Variants in RYR3 observed in about 807,000 individuals in gnomAD.
The protein encoded by RYR3 is brain ryanodine receptor-calcium release channel.
A neutral mutation model predicts 584.3 loss-of-function variants in RYR3; 207 were observed. The observed-to-expected ratio is 0.35, with a 90% CI of 0.32 to 0.40. The LOEUF is 0.40. Among genes scored for constraint, RYR3 ranks in the 10% least tolerant of loss-of-function variants. The probability of loss-of-function intolerance (pLI) is 1.00; values close to 1 mark genes in which losing one functional copy is unlikely to be tolerated. For synonymous variants in RYR3, 2,416 were observed against 2,248.5 expected (o/e 1.07, Z -2.11); for missense variants, 5,616 against 6,089.2 (o/e 0.92, Z 2.59).
At chr15:33,760,019 T>C (rs955390052) in intron 60 of RYR3, among the ~76,000 whole-genome samples, 1 of 152,180 alleles carries the variant, frequency 6.6e-6, no homozygotes, top group African/African-American at 2.4e-5. Context: ...ACCCAGAATT[T>C]CATATCCAGC....
intron 69 of RYR3, among the ~76,000 whole-genome samples, chr15:33,806,560 T>C (rs2076222310): frequency 6.6e-6 from 1 of 151,890 alleles, no homozygotes; most frequent in Non-Finnish European, 1.5e-5. Context: ...AAGCATTTCA[T>C]TAGAAAATTG....
intron 30 of RYR3, 129 bp from the exon 31 acceptor site, chr15:33,648,943 G>C (rs2291735): frequency 1.3e-6 from 1 of 768,414 alleles, no homozygotes; most frequent in Non-Finnish European, 2.1e-6. Context: ...ACCTCTACTA[G>C]TGTGCACTTT....
chr15:33,379,687 C>CTCTCTCTCTA, intron 1 of RYR3, among the ~76,000 whole-genome samples: 33 of 125,520 alleles, frequency 2.6e-4, no homozygotes, highest in East Asian at 1.3e-3. Flanking sequence ...CTCTCTCTCT[C>CTCTCTCTCTA]TATATATATA....
At chr15:33,385,535 AAAAC>A (rs943738514) in intron 1 of RYR3, among the ~76,000 whole-genome samples, 1 of 152,090 alleles carries the variant, frequency 6.6e-6, no homozygotes, top group Non-Finnish European at 1.5e-5. Flanking sequence ...TCCTACGTTA[AAAAC>A]AAACAAACAA....
At chr15:33,622,308 A>G (rs1035400435) in intron 19 of RYR3, among the ~76,000 whole-genome samples, 1 of 152,000 alleles carries the variant, frequency 6.6e-6, no homozygotes, top group African/African-American at 2.4e-5. Flanking sequence ...TGATCCACCC[A>G]AGGTCTTCTC....
chr15:33,838,661 A>G lies in RYR3; in HGVS notation c.12681A>G (p.Arg4227=). The change falls in exon 89 of 104, where the codon AGA becomes AGG. Residue 4227 remains arginine, a synonymous_variant. Transcript: ENST00000634891. Reference sequence around the variant, plus strand: ...TGGTAGAAGGGGCAAAGAACATCAGAGTGACCAAGATCCTGGGTGACATGC... The same window carrying G: ...TGGTAGAAGGGGCAAAGAACATCAGGGTGACCAAGATCCTGGGTGACATGC... ...GGLVEGAKNI[R]VTKILGDMPD... is the part of the protein sequence containing the mutation. 1.9e-6 allele frequency: 3 copies of G among 1,613,970 alleles called. No homozygotes were observed. The highest frequency in any genetic ancestry group is 2.5e-6 in the Non-Finnish European group (3 of 1,179,866).
intron 49 of RYR3, among the ~76,000 whole-genome samples, chr15:33,737,102 T>C (rs939296969): frequency 1.3e-5 from 2 of 152,088 alleles, no homozygotes; most frequent in African/African-American, 2.4e-5. Context: ...TCTTTTATTA[T>C]TATTTTTTTG....
At chr15:33,387,956 TA>T (rs77242922) in intron 1 of RYR3, among the ~76,000 whole-genome samples, 11,353 of 151,836 alleles carry the variant, frequency 0.075, 586 homozygotes, top group Middle Eastern at 0.15. Flanking sequence ...GAGGAAATTA[TA>T]AAAAAAATTT....
intron 38 of RYR3, among the ~76,000 whole-genome samples, chr15:33,688,950 C>T (rs2065211880): frequency 6.6e-6 from 1 of 151,956 alleles, no homozygotes; most frequent in African/African-American, 2.4e-5. Context: ...GCACTATTCA[C>T]AATAGCAAAG....
At chr15:33,754,173 T>C (rs939507485) in intron 57 of RYR3, among the ~76,000 whole-genome samples, 7 of 152,024 alleles carry the variant, frequency 4.6e-5, no homozygotes, top group Non-Finnish European at 8.8e-5. Flanking sequence ...ATTTGACCAC[T>C]TCTCACCCAC....
chr15:33,711,645 G>T lies in RYR3; in HGVS notation c.6619+4591G>T, dbSNP rs556720399. Among the ~76,000 whole-genome samples the T allele has an allele frequency of 3.9e-5, 6 of 152,286 alleles. No individual in the cohort carries two copies. In the East Asian group the frequency reaches 1.2e-3, roughly 29 times the overall value. On this transcript the variant is annotated intron_variant, in intron 43 of 103. Coordinates refer to ENST00000634891, the MANE Select transcript of RYR3 (RefSeq NM_001036.6). The stretch of plus-strand genomic sequence containing the variant: ...AAACTTCCATCGATCCCTAAGGCAC[G>T]AACAGAATGCAGCCAAGTTCTTTAC...
chr15:33,626,893 C>A (rs1200477368), intron 20 of RYR3, among the ~76,000 whole-genome samples: 1 of 152,062 alleles, frequency 6.6e-6, no homozygotes, highest in East Asian at 1.9e-4. Context: ...CCTGGATGTC[C>A]AAGCAGAAGT....
At chr15:33,399,459 T>C (rs2141355431) in intron 1 of RYR3, among the ~76,000 whole-genome samples, 1 of 151,790 alleles carries the variant, frequency 6.6e-6, no homozygotes, top group East Asian at 1.9e-4. Flanking sequence ...GCCAATGTGG[T>C]GAAAACCTGT....
At chr15:33,438,423 TGTGCCTG>T (rs751977923) in intron 1 of RYR3, among the ~76,000 whole-genome samples, 1 of 152,194 alleles carries the variant, frequency 6.6e-6, no homozygotes, top group Non-Finnish European at 1.5e-5. Context: ...TTTGTCTTGA[TGTGCCTG>T]GTGCCTGGCC....
intron 12 of RYR3, among the ~76,000 whole-genome samples, chr15:33,575,588 C>T (rs2058258822): frequency 6.6e-6 from 1 of 151,972 alleles, no homozygotes; most frequent in African/African-American, 2.4e-5. Flanking sequence ...GACAATGTAC[C>T]AGAATCTCTG....
chr15:33,664,587 G>A (rs375501771), intron 36 of RYR3, among the ~76,000 whole-genome samples: 7 of 42,624 alleles, frequency 1.6e-4, no homozygotes, highest in East Asian at 7.8e-4. Flanking sequence ...GTGTGTGTGT[G>A]TGTATATATA....
intron 89 of RYR3, among the ~76,000 whole-genome samples, chr15:33,839,399 T>C (rs971200162): frequency 2.0e-4 from 30 of 152,230 alleles, no homozygotes; most frequent in Non-Finnish European, 7.3e-5. Context: ...AGTTTGATCA[T>C]GCTTGGGACA....
chr15:33,782,468 A>C (rs999426838), intron 65 of RYR3, among the ~76,000 whole-genome samples: 3 of 152,216 alleles, frequency 2.0e-5, no homozygotes, highest in Non-Finnish European at 4.4e-5. Flanking sequence ...ATGGGACTCT[A>C]TGTCCAGCTC....
chr15:33,465,426 T>C (rs2048402971), intron 1 of RYR3, among the ~76,000 whole-genome samples: 1 of 152,220 alleles, frequency 6.6e-6, no homozygotes, highest in Non-Finnish European at 1.5e-5. Context: ...GTTTTCAGTG[T>C]ACATCTAGCA....
Sources: gnomAD v4.1 joint callset for allele counts (sites outside exome capture counted in the v4.1 genomes callset) on GRCh38, gnomAD v4.1.1 for gene constraint, MANE v1.5 for transcripts, NCBI Gene and HGNC (gene_info 2026-07-23, HGNC 2026-07-21) for gene names.